NUP35: variants seen among roughly 807,000 people sequenced by gnomAD.
NUP35 encodes the protein nucleoporin NUP35.
NUP35 carries 25 observed loss-of-function variants against 41.5 expected under a neutral mutation model. That is an observed-to-expected ratio of 0.60 (90% confidence interval 0.44 to 0.84). The LOEUF (loss-of-function observed/expected upper bound fraction) is 0.84, where lower values mean the gene tolerates loss of function less well. Among genes scored for constraint, NUP35 ranks in the 40% least tolerant of loss-of-function variants. The pLI is 0.00. For missense variants in NUP35, 396 were observed against 396.6 expected (o/e 1.00, Z 0.01); for synonymous variants, 149 against 130.7 (o/e 1.14, Z -0.96).
At chr2:183,137,344 C>T (rs927985090) in intron 4 of NUP35, among the ~76,000 whole-genome samples, 5 of 151,994 alleles carry the variant, frequency 3.3e-5, no homozygotes, top group Admixed American at 2.6e-4. Flanking sequence ...CCTGTAATCC[C>T]GAGGCAGGTG....
At chr2:183,136,715 C>T (rs1407915055) in intron 4 of NUP35, among the ~76,000 whole-genome samples, 1 of 152,200 alleles carries the variant, frequency 6.6e-6, no homozygotes, top group Non-Finnish European at 1.5e-5. Flanking sequence ...ACCCTAAGTT[C>T]ATCTGCCAAG....
chr2:183,132,254 T>C (rs967502628), intron 3 of NUP35, among the ~76,000 whole-genome samples: 4 of 152,074 alleles, frequency 2.6e-5, no homozygotes, highest in Non-Finnish European at 5.9e-5. Flanking sequence ...ACTCCTGAGC[T>C]CAAGTAATCC....
intron 4 of NUP35, among the ~76,000 whole-genome samples, chr2:183,150,615 TC>T: frequency 6.6e-6 from 1 of 151,802 alleles, no homozygotes; most frequent in Non-Finnish European, 1.5e-5. Flanking sequence ...TATTTTTTTT[TC>T]TCTGTAGGAT....
chr2:183,140,157 G>A (rs1685036815), intron 4 of NUP35, among the ~76,000 whole-genome samples: 1 of 152,152 alleles, frequency 6.6e-6, no homozygotes, highest in Non-Finnish European at 1.5e-5. Context: ...GAGGTCAGAA[G>A]TCTGAAGTAG....
At chr2:183,145,877 T>C (rs1448258655) in intron 4 of NUP35, among the ~76,000 whole-genome samples, 3 of 152,144 alleles carry the variant, frequency 2.0e-5, no homozygotes, top group Admixed American at 1.3e-4. Context: ...AAAAGAGTTA[T>C]CAAGTAAAAA....
At chr2:183,140,495 G>A (rs534465835) in intron 4 of NUP35, among the ~76,000 whole-genome samples, 1 of 152,240 alleles carries the variant, frequency 6.6e-6, no homozygotes, top group East Asian at 1.9e-4. Flanking sequence ...AGTTATGGTG[G>A]TGGCAATGTT....
chr2:183,137,601 T>C (rs141781789), intron 4 of NUP35, among the ~76,000 whole-genome samples: 2,456 of 151,342 alleles, frequency 0.016, 86 homozygotes, highest in Admixed American at 0.087. Flanking sequence ...AATAATTGAG[T>C]CAGTAAGTGA....
chr2:183,126,167 T>G lies in NUP35; in HGVS notation c.40+1670T>G, dbSNP rs562574031. On this transcript the variant is annotated intron_variant, in intron 1 of 8. Transcript: ENST00000295119. ...CCTCCCACCTCAGCCTCCCAGGGGC[T>G]GGGACCACAGTGTGCCGCCACTCCC... 3.9e-5 allele frequency among the ~76,000 whole-genome samples: 6 copies of G among 152,270 alleles called. No individual in the cohort carries two copies. The East Asian group carries it at 1.2e-3, about 29-fold the overall frequency.
intron 4 of NUP35, among the ~76,000 whole-genome samples, chr2:183,138,270 T>TATATATATATA (rs1553530933): frequency 1.6e-4 from 4 of 25,330 alleles, no homozygotes; most frequent in African/African-American, 5.3e-4. Flanking sequence ...TATATATATA[T>TATATATATATA]TTTTTTTTTT....
chr2:183,150,985 A>T (rs904144449), intron 4 of NUP35, among the ~76,000 whole-genome samples: 1 of 152,266 alleles, frequency 6.6e-6, no homozygotes, highest in African/African-American at 2.4e-5. Flanking sequence ...AAATAAAAGG[A>T]TAAGACATTT....
At chr2:183,138,089 A>G (rs1684944354) in intron 4 of NUP35, among the ~76,000 whole-genome samples, 1 of 151,804 alleles carries the variant, frequency 6.6e-6, no homozygotes, top group Admixed American at 6.6e-5. Flanking sequence ...AGGAATTTAC[A>G]CATAGAAAGT....
At chr2:183,145,841 A>G (rs748672279) in intron 4 of NUP35, among the ~76,000 whole-genome samples, 5 of 152,240 alleles carry the variant, frequency 3.3e-5, no homozygotes, top group Non-Finnish European at 5.9e-5. Flanking sequence ...ATGATATCAA[A>G]ACAAAACTAC....
chr2:183,119,699 G>A (rs1700039913), upstream of NUP35, among the ~76,000 whole-genome samples: 3 of 151,958 alleles, frequency 2.0e-5, no homozygotes, highest in Admixed American at 2.0e-4. Flanking sequence ...AGGGGGGTGG[G>A]CAGGGAACAG....
intron 2 of NUP35, among the ~76,000 whole-genome samples, chr2:183,128,779 A>C (rs78784128): frequency 1.4e-5 from 2 of 146,380 alleles, no homozygotes; most frequent in South Asian, 2.3e-4. Context: ...TCAATACATT[A>C]ATTAAAAAAA....
intron 4 of NUP35, among the ~76,000 whole-genome samples, chr2:183,138,266 TA>T (rs1243668933): frequency 2.2e-3 from 72 of 32,540 alleles, no homozygotes; most frequent in Middle Eastern, 0.015. Context: ...TATATATATA[TA>T]TATTTTTTTT....
chr2:183,159,513 G>A lies in NUP35; in HGVS notation c.764G>A (p.Cys255Tyr). ...AGTGTTATGGAAAGCAGTGACAGAT[G>A]TGCTTTATCATCTCCATCTTTAGCC... The part of the protein sequence containing the change: ...DKSVMESSDR[C>Y]ALSSPSLAFT... The change falls in exon 8 of 9, where the codon TGT becomes TAT. Residue 255 changes from cysteine to tyrosine, a missense_variant. Coordinates refer to ENST00000295119, the MANE Select transcript of NUP35 (RefSeq NM_138285.5). 1 of 1,613,450 alleles carries A rather than the reference G, an allele frequency of 6.2e-7. No individual in the cohort carries two copies. The highest frequency in any genetic ancestry group is 8.5e-7 in the Non-Finnish European group (1 of 1,179,702).
chr2:183,151,708 A>G, intron 5 of NUP35, 59 bp downstream of exon 5: 1 of 1,479,616 alleles, frequency 6.8e-7, no homozygotes, highest in Non-Finnish European at 9.2e-7. Context: ...TATAATGAAT[A>G]TAATCAAACA....
upstream of NUP35, chr2:183,124,369 G>C (rs1700114254): frequency 1.2e-6 from 2 of 1,611,802 alleles, no homozygotes; most frequent in Non-Finnish European, 1.7e-6. Flanking sequence ...AACCCCATAA[G>C]GTAGCACGCC....
intron 1 of NUP35, among the ~76,000 whole-genome samples, chr2:183,126,751 A>G (rs1010768865): frequency 6.6e-6 from 1 of 152,178 alleles, no homozygotes; most frequent in African/African-American, 2.4e-5. Flanking sequence ...TAAGAAACAG[A>G]TTGTTAAGGC....
Sources: allele counts gnomAD v4.1 joint callset (sites outside exome capture counted in the v4.1 genomes callset), GRCh38; gene constraint gnomAD v4.1.1; transcripts MANE v1.5; gene names NCBI Gene and HGNC (gene_info 2026-07-23, HGNC 2026-07-21).